The following KIAA1328 variants were observed in gnomAD, a reference collection of about 807,000 sequenced individuals.
KIAA1328 encodes the protein protein hinderin.
Under a neutral mutation model 68.1 loss-of-function variants are expected in KIAA1328, and 52 were observed. That is an observed-to-expected ratio of 0.76 (90% CI 0.61 to 0.96). KIAA1328 has a LOEUF of 0.96. Ranked by LOEUF, KIAA1328 falls within the 40% of genes least tolerant of loss-of-function variation. The probability of loss-of-function intolerance (pLI) is 0.00; values close to 1 mark genes in which losing one functional copy is unlikely to be tolerated. For missense variants in KIAA1328, 641 were observed against 677.6 expected (o/e 0.95, Z 0.60); for synonymous variants, 232 against 239.4 (o/e 0.97, Z 0.28).
At chr18:37,125,691 T>C (rs556810340) in intron 7 of KIAA1328, among the ~76,000 whole-genome samples, 2 of 152,108 alleles carry the variant, frequency 1.3e-5, no homozygotes, top group Non-Finnish European at 2.9e-5. Context: ...ATTACAGAGT[T>C]AATAAGGAAA....
intron 6 of KIAA1328, among the ~76,000 whole-genome samples, chr18:36,963,123 T>G (rs1335669560): frequency 6.6e-6 from 1 of 152,248 alleles, no homozygotes; most frequent in Non-Finnish European, 1.5e-5. Flanking sequence ...TCTGTTCTGT[T>G]TTCTTAAAAC....
chr18:36,979,710 A>C (rs1478676114), intron 6 of KIAA1328, among the ~76,000 whole-genome samples: 1 of 152,154 alleles, frequency 6.6e-6, no homozygotes, highest in Non-Finnish European at 1.5e-5. Context: ...GAGATCATAG[A>C]CCTCAGCCCA....
chr18:37,188,889 G>A (rs571313626), intron 9 of KIAA1328, among the ~76,000 whole-genome samples: 26 of 152,154 alleles, frequency 1.7e-4, no homozygotes, highest in Admixed American at 1.5e-3. Context: ...TTAATTTCAC[G>A]CCTTGCAGAC....
chr18:37,160,277 G>A lies in KIAA1328; in HGVS notation c.1310G>A (p.Ser437Asn). The change falls in exon 8 of 10, where the codon AGT becomes AAT. Residue 437 changes from serine to asparagine, a missense_variant. Ser to Asn is a conservative substitution (Grantham distance 46, BLOSUM62 1). Coordinates refer to ENST00000280020, the MANE Select transcript of KIAA1328 (RefSeq NM_020776.3). Reference protein sequence around the residue: ...SIKKHQDPPNSGENRKERKTV... With the variant: ...SIKKHQDPPNNGENRKERKTV... ...AAAAAGCACCAAGACCCCCCAAACA[G>A]TGGAGAGAATAGGAAGGAGAGGAAG... The A allele has an allele frequency of 6.2e-7, 1 of 1,613,704 alleles. No homozygotes were observed. The highest frequency in any genetic ancestry group is 8.5e-7 in the Non-Finnish European group (1 of 1,179,740).
intron 5 of KIAA1328, among the ~76,000 whole-genome samples, chr18:36,948,026 C>T (rs377490551): frequency 3.1e-4 from 47 of 152,252 alleles, no homozygotes; most frequent in African/African-American, 1.1e-3. Context: ...CCCTTCCCAT[C>T]ATGGCCTGAA....
chr18:37,018,483 G>T (rs925568068), intron 6 of KIAA1328, among the ~76,000 whole-genome samples: 3 of 152,056 alleles, frequency 2.0e-5, no homozygotes, highest in African/African-American at 7.2e-5. Context: ...GTGATCTCTG[G>T]ATTTCTTGTC....
chr18:36,942,640 A>AAATGTATTTGTTTAAT (rs1199797499), intron 5 of KIAA1328, among the ~76,000 whole-genome samples: 1 of 152,156 alleles, frequency 6.6e-6, no homozygotes, highest in Non-Finnish European at 1.5e-5. Flanking sequence ...TTTTTTAATG[A>AAATGTATTTGTTTAAT]GAAAACAAAA....
rs139867898 is a variant in KIAA1328, at chr18:36,853,194, T to A, written c.332+8892T>A. Among the ~76,000 whole-genome samples, 869 of 152,302 alleles carry A rather than the reference T, an allele frequency of 5.7e-3. 2 individuals carry two copies. Among genetic ancestry groups the A allele is most frequent in the Non-Finnish European group, 7.9e-3 (537 of 68,012 alleles). On this transcript the variant is annotated intron_variant, in intron 4 of 9. Transcript: ENST00000280020. ...TGTGTCTTTTGATTTAAAGTGATTA[T>A]CTTCTGGGGAATATAAACCTGTAGA... is the stretch of plus-strand genomic sequence containing the variant.
intron 5 of KIAA1328, among the ~76,000 whole-genome samples, chr18:36,907,249 C>G (rs770338339): frequency 9.2e-5 from 14 of 151,950 alleles, no homozygotes; most frequent in Non-Finnish European, 1.9e-4. Flanking sequence ...ACAGTTTCAT[C>G]TTTTCCTTTC....
At chr18:37,142,871 G>A (rs1024041776) in intron 7 of KIAA1328, among the ~76,000 whole-genome samples, 1 of 151,588 alleles carries the variant, frequency 6.6e-6, no homozygotes, top group Non-Finnish European at 1.5e-5. Context: ...ATCAATTTGG[G>A]GAGAACTGAC....
chr18:36,915,728 A>G (rs2049668132), intron 5 of KIAA1328, among the ~76,000 whole-genome samples: 1 of 152,048 alleles, frequency 6.6e-6, no homozygotes, highest in South Asian at 2.1e-4. Context: ...TATGTTGCTC[A>G]TGGTATACAT....
chr18:37,152,627 C>T (rs192494693), intron 7 of KIAA1328, among the ~76,000 whole-genome samples: 2 of 152,098 alleles, frequency 1.3e-5, no homozygotes, highest in Non-Finnish European at 1.5e-5. Context: ...TACAGTGGCG[C>T]GTTGGCAGAA....
Position 37,160,320 on chromosome 18 carries a change from G to T in KIAA1328, c.1353G>T (p.Ser451=), listed in dbSNP as rs762430844. The T allele has an allele frequency of 3.7e-6, 6 of 1,613,404 alleles. No individual in the cohort carries two copies. In the African/African-American group the frequency reaches 6.7e-5, roughly 18 times the overall value. The change falls in exon 8 of 10, where the codon TCG becomes TCT. Residue 451 remains serine, a synonymous_variant. Transcript: ENST00000280020. ...AGAGGAAGACAGTTGGGTTTCATTC[G>T]CATATGAAAGATGATGCCCAGTGGT... ...RKERKTVGFH[S]HMKDDAQWSC...
At chr18:36,965,636 G>T (rs2051897409) in intron 6 of KIAA1328, among the ~76,000 whole-genome samples, 1 of 149,848 alleles carries the variant, frequency 6.7e-6, no homozygotes, top group South Asian at 2.1e-4. Flanking sequence ...CTCCCAAAGT[G>T]CTGGGATTAT....
intron 9 of KIAA1328, among the ~76,000 whole-genome samples, chr18:37,188,439 G>A (rs559417291): frequency 3.3e-5 from 5 of 152,278 alleles, no homozygotes; most frequent in Admixed American, 2.0e-4. Flanking sequence ...ACAAACCACC[G>A]ATATACAAAT....
At chr18:37,154,768 C>T (rs979238837) in intron 7 of KIAA1328, among the ~76,000 whole-genome samples, 9 of 152,166 alleles carry the variant, frequency 5.9e-5, no homozygotes, top group African/African-American at 1.9e-4. Context: ...TTATCACATA[C>T]ACCATACCAA....
chr18:36,973,240 C>T (rs530157657), intron 6 of KIAA1328, among the ~76,000 whole-genome samples: 8 of 151,830 alleles, frequency 5.3e-5, no homozygotes, highest in East Asian at 1.9e-4. Flanking sequence ...AACCAAACTC[C>T]GCATGTTCTC....
chr18:36,975,406 T>A (rs1054316771), intron 6 of KIAA1328, among the ~76,000 whole-genome samples: 1 of 151,986 alleles, frequency 6.6e-6, no homozygotes, highest in African/African-American at 2.4e-5. Flanking sequence ...ATGGTCTCGA[T>A]CTCCTGACCT....
chr18:37,073,494 G>A (rs1470144899), intron 7 of KIAA1328, among the ~76,000 whole-genome samples: 1 of 152,090 alleles, frequency 6.6e-6, no homozygotes, highest in Non-Finnish European at 1.5e-5. Flanking sequence ...ATTATTAAAA[G>A]GTTCCACATG....
Sources: allele counts gnomAD v4.1 joint callset (sites outside exome capture counted in the v4.1 genomes callset), GRCh38; gene constraint gnomAD v4.1.1; transcripts MANE v1.5; gene names NCBI Gene and HGNC (gene_info 2026-07-23, HGNC 2026-07-21).